The following NME7 variants were observed in gnomAD, a reference collection of about 807,000 sequenced individuals.
NME7 encodes the protein NME/NM23 family member 7, also known as nucleoside diphosphate kinase 7.
NME7 carries 41 observed loss-of-function variants against 49.1 expected under a neutral mutation model. That is an observed-to-expected ratio of 0.83 (90% CI 0.65 to 1.08). The LOEUF is 1.08. Among genes scored for constraint, NME7 ranks in the 50% least tolerant of loss-of-function variants. The probability of loss-of-function intolerance (pLI) is 0.00; values close to 1 mark genes in which losing one functional copy is unlikely to be tolerated. For synonymous variants in NME7, 139 were observed against 150.6 expected (o/e 0.92, Z 0.56); for missense variants, 423 against 463.4 (o/e 0.91, Z 0.80).
At chr1:169,190,112 TACC>T (rs1660174794) in intron 10 of NME7, among the ~76,000 whole-genome samples, 1 of 152,152 alleles carries the variant, frequency 6.6e-6, no homozygotes, top group Non-Finnish European at 1.5e-5. Context: ...CTAGCAATTT[TACC>T]TCTAGAAATT....
chr1:169,322,588 T>C (rs912076992), intron 3 of NME7: 9 of 152,114 alleles, frequency 5.9e-5, no homozygotes, highest in African/African-American at 1.9e-4. Flanking sequence ...TATCATAATT[T>C]CTTTATATGG....
chr1:169,249,992 A>G (rs971716944), intron 7 of NME7, among the ~76,000 whole-genome samples: 5 of 152,056 alleles, frequency 3.3e-5, no homozygotes, highest in Non-Finnish European at 5.9e-5. Context: ...GCTTCATAGA[A>G]TGAGTTAGGG....
At chr1:169,232,442 C>G (rs994079309) in intron 9 of NME7, among the ~76,000 whole-genome samples, 5 of 151,514 alleles carry the variant, frequency 3.3e-5, no homozygotes, top group African/African-American at 1.2e-4. Flanking sequence ...ACCCATAAAC[C>G]TATAGATCCA....
chr1:169,251,103 T>C (rs1472390817), intron 7 of NME7, among the ~76,000 whole-genome samples: 1 of 152,150 alleles, frequency 6.6e-6, no homozygotes, highest in Non-Finnish European at 1.5e-5. Flanking sequence ...TTATTTCATG[T>C]CTATCTCATG....
At chr1:169,137,753 G>C (rs1017401615) in intron 11 of NME7, among the ~76,000 whole-genome samples, 2 of 152,170 alleles carry the variant, frequency 1.3e-5, no homozygotes, top group African/African-American at 4.8e-5. Flanking sequence ...AGTGAGGAAA[G>C]GAGTGGTAAC....
At chr1:169,141,219 T>C (rs1394083216) in intron 11 of NME7, among the ~76,000 whole-genome samples, 2 of 152,114 alleles carry the variant, frequency 1.3e-5, no homozygotes, top group African/African-American at 4.8e-5. Flanking sequence ...ACCAAGCCCA[T>C]CTGATATCAT....
At chr1:169,327,932 A>T (rs1339951397) in intron 1 of NME7, among the ~76,000 whole-genome samples, 1 of 152,224 alleles carries the variant, frequency 6.6e-6, no homozygotes, top group Non-Finnish European at 1.5e-5. Context: ...AGCGTATGTT[A>T]CCAAGCAAAA....
At chr1:169,335,677 G>C (rs544749888) in intron 1 of NME7, among the ~76,000 whole-genome samples, 36 of 144,054 alleles carry the variant, frequency 2.5e-4, no homozygotes, top group African/African-American at 8.4e-4. Context: ...TTTTTTAGAA[G>C]AAATATATAT....
chr1:169,211,489 T>G (rs1370026641), intron 10 of NME7, among the ~76,000 whole-genome samples: 2 of 152,200 alleles, frequency 1.3e-5, no homozygotes, highest in African/African-American at 4.8e-5. Context: ...AGCTTACAGC[T>G]AAATCACCTG....
Position 169,287,343 on chromosome 1 carries a change from A to G in NME7, c.714T>C (p.Asn238=). ...GGGGTTTAACAATGCAACAGGTACA[A>G]TTAGTAAATTTAGCAGTGTTTGCCG... is the stretch of plus-strand genomic sequence containing the variant. ...CGPANTAKFT[N]CTCCIVKPHA... Residue 238 remains asparagine, a synonymous_variant, in exon 7 of 12, where the codon AAT becomes AAC. Coordinates refer to ENST00000367811, the MANE Select transcript of NME7 (RefSeq NM_013330.5). 1 of 1,611,736 alleles carries G rather than the reference A, an allele frequency of 6.2e-7. No homozygotes were observed. Among genetic ancestry groups the G allele is most frequent in the South Asian group, 1.1e-5 (1 of 90,488 alleles).
At chr1:169,199,430 T>C (rs1053629635) in intron 10 of NME7, among the ~76,000 whole-genome samples, 2 of 148,576 alleles carry the variant, frequency 1.3e-5, no homozygotes, top group African/African-American at 4.9e-5. Context: ...CTTAGATAGA[T>C]AACAGAACCC....
At chr1:169,219,866 A>T (rs141011825) in intron 10 of NME7, among the ~76,000 whole-genome samples, 52 of 152,348 alleles carry the variant, frequency 3.4e-4, no homozygotes, top group African/African-American at 1.2e-3. Flanking sequence ...AGTTGAAATA[A>T]ATAAATATTT....
intron 1 of NME7, among the ~76,000 whole-genome samples, chr1:169,334,148 T>C (rs1202820838): frequency 7.5e-6 from 1 of 132,630 alleles, no homozygotes; most frequent in African/African-American, 2.5e-5. Context: ...TGTTGAAGGG[T>C]CAGTAACTAG....
intron 10 of NME7, among the ~76,000 whole-genome samples, chr1:169,214,006 A>G (rs1660906739): frequency 6.6e-6 from 1 of 152,094 alleles, no homozygotes; most frequent in African/African-American, 2.4e-5. Flanking sequence ...GCTTTCTAGT[A>G]TGTACAAGCA....
At chr1:169,291,490 C>T (rs1354240407) in intron 6 of NME7, among the ~76,000 whole-genome samples, 2 of 151,732 alleles carry the variant, frequency 1.3e-5, no homozygotes, top group African/African-American at 2.4e-5. Context: ...CATCACACAC[C>T]GTGGCATGTT....
chr1:169,162,299 C>T (rs1276954952), intron 11 of NME7, among the ~76,000 whole-genome samples: 1 of 151,892 alleles, frequency 6.6e-6, no homozygotes, highest in Non-Finnish European at 1.5e-5. Context: ...AGGAAGAACC[C>T]GTTGGGCAAT....
At chr1:169,180,052 T>C (rs1000014498) in intron 10 of NME7, among the ~76,000 whole-genome samples, 3 of 151,832 alleles carry the variant, frequency 2.0e-5, no homozygotes, top group African/African-American at 7.3e-5. Flanking sequence ...ATATCCAATT[T>C]ATAAAATAAC....
Position 169,341,557 on chromosome 1 carries a change from C to A in NME7, c.4-17057G>T, listed in dbSNP as rs186855003. Among the ~76,000 whole-genome samples the A allele has an allele frequency of 1.8e-3, 268 of 152,168 alleles. 1 individual carries two copies. The highest frequency in any genetic ancestry group is 6.0e-3 in the African/African-American group (249 of 41,510). ...AGAAGAGGGCCAATGTCCTCCAGAC[C>A]CCAGAATGGTAGATCCACTCACAGC... On this transcript the variant is annotated intron_variant, in intron 1 of 11. Coordinates refer to ENST00000367811, the MANE Select transcript of NME7 (RefSeq NM_013330.5).
intron 11 of NME7, 164 bp downstream of exon 11, chr1:169,169,283 C>T (rs1230199646): frequency 5.3e-6 from 3 of 567,754 alleles, no homozygotes; most frequent in Non-Finnish European, 9.4e-6. Context: ...TGCAACAAAC[C>T]ACCAGGGCAC....
Sources: allele counts gnomAD v4.1 joint callset (sites outside exome capture counted in the v4.1 genomes callset), GRCh38; gene constraint gnomAD v4.1.1; transcripts MANE v1.5; gene names NCBI Gene and HGNC (gene_info 2026-07-23, HGNC 2026-07-21).